MKLN1: variants seen among roughly 807,000 people sequenced by gnomAD.
MKLN1 encodes the protein muskelin 1, also known as muskelin.
Under a neutral mutation model 99.0 loss-of-function variants are expected in MKLN1, and 18 were observed. The ratio of observed to expected loss-of-function variants is 0.18; its 90% CI spans 0.13 to 0.27. The LOEUF is 0.27. MKLN1 is among the 10% of genes least tolerant of loss of function. MKLN1 has a pLI of 1.00. For synonymous variants in MKLN1, 288 were observed against 293.2 expected, an observed-to-expected ratio of 0.98 and a Z score of 0.18; for missense variants, 621 against 875.9, an observed-to-expected ratio of 0.71 and a Z score of 3.67.
At chr7:131,391,695 G>A (rs1363220257) in intron 4 of MKLN1, among the ~76,000 whole-genome samples, 1 of 152,164 alleles carries the variant, frequency 6.6e-6, no homozygotes, top group Non-Finnish European at 1.5e-5. Context: ...AAATGAGGAT[G>A]TTAATGCTTT....
At chr7:131,365,485 A>T (rs893642908) in intron 1 of MKLN1, among the ~76,000 whole-genome samples, 3 of 152,022 alleles carry the variant, frequency 2.0e-5, no homozygotes, top group Non-Finnish European at 4.4e-5. Flanking sequence ...TTTTTGTTGC[A>T]ATTGTTTTTT....
At chr7:131,464,436 T>G in intron 14 of MKLN1, 28 bp downstream of exon 14, 3 of 1,324,400 alleles carry the variant, frequency 2.3e-6, no homozygotes, top group Non-Finnish European at 3.3e-6. Flanking sequence ...ACCTGTAAAC[T>G]TTCCATGGCC....
intron 17 of MKLN1, among the ~76,000 whole-genome samples, chr7:131,480,020 CAA>C (rs1224471886): frequency 1.8e-4 from 11 of 61,316 alleles, no homozygotes; most frequent in African/African-American, 2.9e-4. Flanking sequence ...GACTCCATCT[CAA>C]AAAAAAAAAA....
intron 3 of MKLN1, among the ~76,000 whole-genome samples, chr7:131,295,027 A>G (rs1474826254): frequency 6.6e-6 from 1 of 152,184 alleles, no homozygotes; most frequent in Admixed American, 6.5e-5. Flanking sequence ...CTCTTTCCAC[A>G]GAAAAACCTA....
At chr7:131,299,900 C>T (rs1469374037) in intron 3 of MKLN1, among the ~76,000 whole-genome samples, 2 of 152,092 alleles carry the variant, frequency 1.3e-5, no homozygotes, top group Non-Finnish European at 2.9e-5. Flanking sequence ...AGAATGATGT[C>T]TTTTGTTTCC....
intron 3 of MKLN1, among the ~76,000 whole-genome samples, chr7:131,262,200 C>G (rs1403612517): frequency 2.0e-5 from 3 of 152,244 alleles, no homozygotes; most frequent in African/African-American, 7.2e-5. Context: ...CTTTGGGAGG[C>G]TGAGGTGGGC....
chr7:131,220,781 G>A (rs996129567), intron 3 of MKLN1, among the ~76,000 whole-genome samples: 13 of 152,134 alleles, frequency 8.5e-5, no homozygotes, highest in African/African-American at 2.4e-4. Context: ...TGATTCTGAC[G>A]TCAGATATCC....
chr7:131,245,108 T>C (rs1563265304), intron 3 of MKLN1, among the ~76,000 whole-genome samples: 1 of 152,168 alleles, frequency 6.6e-6, no homozygotes, highest in Non-Finnish European at 1.5e-5. Flanking sequence ...AAACTCTAAA[T>C]TCACGGTCAA....
intron 2 of MKLN1, among the ~76,000 whole-genome samples, chr7:131,198,521 A>C (rs1796681666): frequency 6.6e-6 from 1 of 150,516 alleles, no homozygotes; most frequent in Non-Finnish European, 1.5e-5. Flanking sequence ...AAATAGACAA[A>C]GGAAAAAATT....
At position 131,489,999 on chromosome 7, in the gene MKLN1, C is replaced by T. The variant is rs1211455889; in HGVS notation, c.*2271C>T. 1 of 152,450 alleles carries T rather than the reference C, an allele frequency of 6.6e-6. No individual in the cohort carries two copies. Among genetic ancestry groups the T allele is most frequent in the Non-Finnish European group, 1.5e-5 (1 of 68,006 alleles). 9.4% of individuals were successfully genotyped at this position (152,450 alleles called of 1,614,324 possible). On this transcript the variant is annotated 3_prime_UTR_variant, in exon 18 of 18. Coordinates refer to ENST00000352689, the MANE Select transcript of MKLN1 (RefSeq NM_013255.5). The stretch of plus-strand genomic sequence containing the variant: ...GATAATTGAAAAGTCAGACTCTGTA[C>T]TGTGGGGCTTTAATCGGAGCACTGC...
At chr7:131,333,481 C>T (rs890825298) in intron 1 of MKLN1, among the ~76,000 whole-genome samples, 2 of 151,990 alleles carry the variant, frequency 1.3e-5, no homozygotes, top group South Asian at 4.1e-4. Context: ...ATTTTATTTT[C>T]ATTTGTGTTT....
At chr7:131,121,667 A>AAAAAAAAAAAAAAAAC in intron 1 of MKLN1, among the ~76,000 whole-genome samples, 1 of 145,418 alleles carries the variant, frequency 6.9e-6, no homozygotes, top group Non-Finnish European at 1.5e-5. Context: ...AAAAAAAAAA[A>AAAAAAAAAAAAAAAAC]ATTACCCAGC....
At chr7:131,238,405 T>C (rs779010005) in intron 3 of MKLN1, among the ~76,000 whole-genome samples, 11 of 152,214 alleles carry the variant, frequency 7.2e-5, no homozygotes, top group Non-Finnish European at 1.0e-4. Context: ...ATTATACCAG[T>C]CTTGCTAGAC....
intron 2 of MKLN1, among the ~76,000 whole-genome samples, chr7:131,168,616 G>C (rs570957126): frequency 1.4e-4 from 21 of 152,144 alleles, no homozygotes; most frequent in Non-Finnish European, 2.4e-4. Flanking sequence ...TAATATCATG[G>C]CTGAGAAACT....
chr7:131,317,652 C>T (rs1798694426), intron 3 of MKLN1, among the ~76,000 whole-genome samples: 1 of 150,906 alleles, frequency 6.6e-6, no homozygotes, highest in African/African-American at 2.4e-5. Context: ...TTAAAAGACA[C>T]AGACTGGCAA....
rs978063784 is a variant in MKLN1, at chr7:131,461,815, A to G, written c.1526-1402A>G. On this transcript the variant is annotated intron_variant, in intron 12 of 17. Coordinates refer to ENST00000352689, the MANE Select transcript of MKLN1 (RefSeq NM_013255.5). ...GTTGTGAAGTAGCTGAGTTCATAATATGCACTTTATGTATATGAAATTATA... is the reference window on the plus strand; with the variant it reads ...GTTGTGAAGTAGCTGAGTTCATAATGTGCACTTTATGTATATGAAATTATA... Among the ~76,000 whole-genome samples the G allele has an allele frequency of 2.0e-5, 3 of 152,224 alleles. No homozygotes were observed. The South Asian group carries it at 6.2e-4, about 32-fold the overall frequency.
At chr7:131,173,352 AT>A (rs1475864741) in intron 2 of MKLN1, among the ~76,000 whole-genome samples, 1 of 152,138 alleles carries the variant, frequency 6.6e-6, no homozygotes, top group Admixed American at 6.5e-5. Context: ...GGTGAGATGA[AT>A]TTTTTTATTG....
intron 2 of MKLN1, among the ~76,000 whole-genome samples, chr7:131,385,051 A>G (rs1793968428): frequency 6.6e-6 from 1 of 152,224 alleles, no homozygotes; most frequent in Non-Finnish European, 1.5e-5. Context: ...TTTCGATCTC[A>G]GCCCAGTTTT....
rs149102839 is a variant in MKLN1, at chr7:131,115,608, C to T, written c.-419+5401C>T. Among the ~76,000 whole-genome samples, 760 of 152,268 alleles carry T rather than the reference C, an allele frequency of 5.0e-3. 7 individuals carry two copies. The highest frequency in any genetic ancestry group is 6.8e-3 in the Middle Eastern group (2 of 294). ...GATGGCACCTGTGATAAAGTCCAGA[C>T]TCCTCCTCCATGCAGGGCCCGTGGA... On this transcript the variant is annotated intron_variant, in intron 1 of 7. Coordinates refer to the MKLN1 transcript ENST00000416992.
Sources: allele counts gnomAD v4.1 joint callset (sites outside exome capture counted in the v4.1 genomes callset), GRCh38; gene constraint gnomAD v4.1.1; transcripts MANE v1.5; gene names NCBI Gene and HGNC (gene_info 2026-07-23, HGNC 2026-07-21).